The following NCOR2 variants were observed in gnomAD, a reference collection of about 807,000 sequenced individuals.
The protein encoded by NCOR2 is nuclear receptor corepressor 2.
NCOR2 carries 81 observed loss-of-function variants against 262.9 expected under a neutral mutation model. That is an observed-to-expected ratio of 0.31 (90% CI 0.26 to 0.37). NCOR2 has a LOEUF of 0.37. Among genes scored for constraint, NCOR2 ranks in the 10% least tolerant of loss-of-function variants. The probability of loss-of-function intolerance (pLI) is 1.00; values close to 1 mark genes in which losing one functional copy is unlikely to be tolerated. For missense variants in NCOR2, 3,385 were observed against 3,621.4 expected (o/e 0.93, Z 1.68); for synonymous variants, 1,659 against 1,559.3 (o/e 1.06, Z -1.51).
chr12:124,354,132 G>C, exon 27 of NCOR2: 1 of 1,610,606 alleles, frequency 6.2e-7, no homozygotes, highest in Non-Finnish European at 8.5e-7. Context: ...CGCTGTCCGA[G>C]GGCACCCGTG....
At chr12:124,459,947 G>T (rs1023053183) in intron 5 of NCOR2, among the ~76,000 whole-genome samples, 2 of 152,112 alleles carry the variant, frequency 1.3e-5, no homozygotes, top group Non-Finnish European at 2.9e-5. Context: ...ACCGTTCCCT[G>T]CCTGGAATGC....
At chr12:124,444,442 T>A (rs745401410) in intron 7 of NCOR2, among the ~76,000 whole-genome samples, 1 of 152,194 alleles carries the variant, frequency 6.6e-6, no homozygotes, top group Non-Finnish European at 1.5e-5. Context: ...GGGAGTCCGG[T>A]TGGACCCTAG....
intron 1 of NCOR2, among the ~76,000 whole-genome samples, chr12:124,511,466 G>C (rs1354825797): frequency 6.6e-6 from 1 of 152,252 alleles, no homozygotes; most frequent in Admixed American, 6.5e-5. Context: ...CTTGCTGGGG[G>C]ATGAGTGCAA....
At chr12:124,397,009 G>A (rs1247573758) in intron 16 of NCOR2, among the ~76,000 whole-genome samples, 5 of 152,192 alleles carry the variant, frequency 3.3e-5, no homozygotes, top group Non-Finnish European at 2.9e-5. Context: ...ACGGGGAGTG[G>A]GGGCCTGGGC....
At chr12:124,361,359 C>T (rs1273144390) in intron 22 of NCOR2, among the ~76,000 whole-genome samples, 3 of 152,360 alleles carry the variant, frequency 2.0e-5, no homozygotes, top group African/African-American at 7.2e-5. Context: ...CACAACAGCA[C>T]CTGCTGCGTG....
chr12:124,456,881 C>G (rs959712864), intron 6 of NCOR2, among the ~76,000 whole-genome samples: 1 of 152,236 alleles, frequency 6.6e-6, no homozygotes, highest in African/African-American at 2.4e-5. Context: ...CGGAGGCGCT[C>G]GCTGCCAAGA....
At chr12:124,554,323 G>A (rs2051814431) in intron 1 of NCOR2, among the ~76,000 whole-genome samples, 1 of 152,150 alleles carries the variant, frequency 6.6e-6, no homozygotes, top group Admixed American at 6.5e-5. Flanking sequence ...CCCTCCCCAT[G>A]GCCCACCTCC....
Position 124,333,492 on chromosome 12 carries a change from T to G in NCOR2, c.6606-213A>C, listed in dbSNP as rs533899228. Among the ~76,000 whole-genome samples the G allele has an allele frequency of 7.4e-4, 112 of 152,298 alleles. 1 individual carries two copies. The highest frequency in any genetic ancestry group is 1.1e-3 in the Non-Finnish European group (78 of 68,008). On this transcript the variant is annotated intron_variant, in intron 41 of 46. Transcript: ENST00000405201. ...AACCCTTTAAAAATGTAAAATCATTTTTTTAGTTCATGAATTGTACAAACA... is the reference window on the plus strand; with the variant it reads ...AACCCTTTAAAAATGTAAAATCATTGTTTTAGTTCATGAATTGTACAAACA...
chr12:124,431,302 G>T (rs2043909842), intron 8 of NCOR2, among the ~76,000 whole-genome samples: 1 of 147,958 alleles, frequency 6.8e-6, no homozygotes, highest in South Asian at 2.2e-4. Context: ...TACAGTCACA[G>T]ACACACACAG....
intron 1 of NCOR2, chr12:124,513,206 G>C (rs529647659): frequency 2.6e-5 from 4 of 152,396 alleles, no homozygotes; most frequent in Non-Finnish European, 5.9e-5. Flanking sequence ...ATTAGCCTGG[G>C]AAGGAGGCTG....
chr12:124,333,875 TGCGG>T (rs1382801577), intron 41 of NCOR2, among the ~76,000 whole-genome samples: 3,459 of 112,834 alleles, frequency 0.031, 98 homozygotes, highest in African/African-American at 0.062. Flanking sequence ...TGCGCATGTG[TGCGG>T]GTGTGCATGT....
chr12:124,326,923 C>A (rs2034709969), intron 45 of NCOR2, among the ~76,000 whole-genome samples: 2 of 152,174 alleles, frequency 1.3e-5, no homozygotes, highest in Admixed American at 1.3e-4. Context: ...CTCCCTGACT[C>A]CCAGGGCTGA....
intron 16 of NCOR2, among the ~76,000 whole-genome samples, chr12:124,394,315 C>G (rs1179637886): frequency 6.6e-6 from 1 of 152,200 alleles, no homozygotes; most frequent in Non-Finnish European, 1.5e-5. Flanking sequence ...AGGCCAAGGT[C>G]AGGGGGCTAA....
chr12:124,504,239 G>T lies in NCOR2; in HGVS notation c.-117-8871C>A, dbSNP rs61933578. Among the ~76,000 whole-genome samples, 15,672 of 152,218 alleles carry T rather than the reference G, an allele frequency of 0.1. 977 individuals carry two copies. Among genetic ancestry groups the T allele is most frequent in the African/African-American group, 0.18 (7,663 of 41,504 alleles). ...TACAGGGTAGAGATACGTGGGCCAG[G>T]TTAAAGCCAGAAAGCTGGGGTGCCC... On this transcript the variant is annotated intron_variant, in intron 1 of 46. Coordinates refer to the NCOR2 transcript ENST00000404621. This position sits in a 1 kb window ranked among gnomAD's most constrained non-coding sequence, Gnocchi z 4.5.
At chr12:124,529,179 C>CAAAAAAA (rs148397454) in intron 1 of NCOR2, among the ~76,000 whole-genome samples, 5 of 52,170 alleles carry the variant, frequency 9.6e-5, no homozygotes, top group African/African-American at 1.6e-4. Context: ...AACTCCGACT[C>CAAAAAAA]AAAAAAAAAA....
At chr12:124,551,856 G>A (rs570092884) in intron 1 of NCOR2, among the ~76,000 whole-genome samples, 2 of 152,272 alleles carry the variant, frequency 1.3e-5, no homozygotes, top group South Asian at 2.1e-4. Context: ...CTGAGAATCC[G>A]GAACACCCGC....
Position 124,392,966 on chromosome 12 carries a change from G to A in NCOR2, c.1876+5153C>T, listed in dbSNP as rs374106377. On this transcript the variant is annotated intron_variant, in intron 16 of 46. Transcript: ENST00000405201. ...CTTGCACATCCTCCCACTGTTGGCC[G>A]CTCCCTGGAGATTGGGAAGGACTGG... Among the ~76,000 whole-genome samples the A allele has an allele frequency of 1.6e-4, 25 of 152,318 alleles. No individual in the cohort carries two copies. In the South Asian group the frequency reaches 4.4e-3, roughly 27 times the overall value.
At chr12:124,427,598 C>A (rs1264245671) in intron 10 of NCOR2, among the ~76,000 whole-genome samples, 1 of 152,224 alleles carries the variant, frequency 6.6e-6, no homozygotes, top group Non-Finnish European at 1.5e-5. Context: ...GGACTCCCAG[C>A]CAGGGGTCAG....
At chr12:124,442,681 C>T (rs2044884398) in intron 7 of NCOR2, among the ~76,000 whole-genome samples, 1 of 152,140 alleles carries the variant, frequency 6.6e-6, no homozygotes, top group Non-Finnish European at 1.5e-5. Context: ...TGGTACACTG[C>T]CTAGTACAGG....
Sources: gnomAD v4.1 joint callset for allele counts (sites outside exome capture counted in the v4.1 genomes callset) on GRCh38, gnomAD v4.1.1 for gene constraint, Gnocchi (gnomAD v3.1) non-coding constraint, MANE v1.5 for transcripts, NCBI Gene and HGNC (gene_info 2026-07-23, HGNC 2026-07-21) for gene names.